KIF13A: variants seen among roughly 807,000 people sequenced by gnomAD.
The protein encoded by KIF13A is kinesin family member 13A, also known as kinesin-like protein KIF13A.
Under a neutral mutation model 212.2 loss-of-function variants are expected in KIF13A, and 79 were observed. That is an observed-to-expected ratio of 0.37 (90% CI 0.31 to 0.45). The LOEUF is 0.45. Ranked by LOEUF, KIF13A falls within the 20% of genes least tolerant of loss-of-function variation. The probability of loss-of-function intolerance (pLI) is 1.00; values close to 1 mark genes in which losing one functional copy is unlikely to be tolerated. For synonymous variants in KIF13A, 789 were observed against 808.6 expected, an observed-to-expected ratio of 0.98 and a Z score of 0.41; for missense variants, 1,901 against 2,209.0, an observed-to-expected ratio of 0.86 and a Z score of 2.79.
At chr6:17,876,071 C>T (rs759501865) in intron 3 of KIF13A, among the ~76,000 whole-genome samples, 6 of 152,122 alleles carry the variant, frequency 3.9e-5, no homozygotes, top group African/African-American at 9.7e-5. Context: ...TTTGGACTAA[C>T]ACTTATTAAC....
intron 4 of KIF13A, among the ~76,000 whole-genome samples, chr6:17,859,101 G>A (rs953496425): frequency 3.3e-5 from 5 of 152,166 alleles, no homozygotes; most frequent in African/African-American, 1.2e-4. Context: ...ATTTTCCTAG[G>A]TTCTTTCAAG....
In KIF13A at chr6:17,850,303, G is replaced by A. The variant is rs1767515300; in HGVS notation, c.717+20C>T. 6.3e-7 allele frequency: 1 copy of A among 1,590,170 alleles called. No individual in the cohort carries two copies. Among genetic ancestry groups the A allele is most frequent in the East Asian group, 2.3e-5 (1 of 44,324 alleles). On this transcript the variant is annotated intron_variant, in intron 8 of 38. Coordinates refer to ENST00000259711, the MANE Select transcript of KIF13A (RefSeq NM_022113.6). The surrounding 1 kb of genome is among the most constrained non-coding windows in gnomAD (Gnocchi z 6.2). ...AGTTCTTCCACCCCCACTCCAAAAA[G>A]GTTCTGCCTAATCCCTTACCCCAGA...
At chr6:17,974,696 C>T (rs1048514546) in intron 2 of KIF13A, among the ~76,000 whole-genome samples, 9 of 152,066 alleles carry the variant, frequency 5.9e-5, no homozygotes, top group African/African-American at 2.4e-5. Context: ...TGCACTACAG[C>T]CCAATTAAGT....
chr6:17,846,065 T>TTCC (rs869118742), intron 9 of KIF13A, among the ~76,000 whole-genome samples: 1 of 134,742 alleles, frequency 7.4e-6, no homozygotes, highest in African/African-American at 3.6e-5. Context: ...TTTTTTTTTT[T>TTCC]CTGAGACAGC....
intron 2 of KIF13A, among the ~76,000 whole-genome samples, chr6:17,937,380 G>A (rs1027764851): frequency 3.3e-5 from 5 of 152,072 alleles, no homozygotes; most frequent in Non-Finnish European, 5.9e-5. Context: ...CATTGATCTC[G>A]GCAGTGATCT....
At chr6:17,976,380 G>A (rs919858689) in intron 2 of KIF13A, among the ~76,000 whole-genome samples, 7 of 152,210 alleles carry the variant, frequency 4.6e-5, no homozygotes, top group Non-Finnish European at 7.4e-5. Context: ...AGCGCCGGTG[G>A]GCCGGCACTG....
chr6:17,943,064 T>C (rs1051072492), intron 2 of KIF13A, among the ~76,000 whole-genome samples: 1 of 152,196 alleles, frequency 6.6e-6, no homozygotes, highest in African/African-American at 2.4e-5. Context: ...CTTATACCTT[T>C]AAACGTTTTT....
At position 17,983,717 on chromosome 6, in the gene KIF13A, G is replaced by T. The variant is rs1246952920; in HGVS notation, c.146+3337C>A. 2.0e-5 allele frequency among the ~76,000 whole-genome samples: 3 copies of T among 151,988 alleles called. No individual in the cohort carries two copies. In the East Asian group the frequency reaches 5.8e-4, roughly 29 times the overall value. On this transcript the variant is annotated intron_variant, in intron 2 of 38. Coordinates refer to ENST00000259711, the MANE Select transcript of KIF13A (RefSeq NM_022113.6). Reference sequence around the variant, plus strand: ...TGGCCAGGGTGGTCTCAAACTCCTGGCCTCAAGAGATCCGCCCACCCTAGC... The same window carrying T: ...TGGCCAGGGTGGTCTCAAACTCCTGTCCTCAAGAGATCCGCCCACCCTAGC...
chr6:17,945,469 T>C (rs1476058609), intron 2 of KIF13A, among the ~76,000 whole-genome samples: 2 of 151,840 alleles, frequency 1.3e-5, no homozygotes, highest in Admixed American at 6.6e-5. Context: ...CAGAAAAAAA[T>C]GCATGCATCA....
At chr6:17,841,600 T>C (rs1766514352) in intron 9 of KIF13A, among the ~76,000 whole-genome samples, 1 of 152,164 alleles carries the variant, frequency 6.6e-6, no homozygotes, top group Non-Finnish European at 1.5e-5. Flanking sequence ...ATAACTCCAA[T>C]TCCCATGTAT....
chr6:17,958,753 T>C (rs1158574385), intron 2 of KIF13A, among the ~76,000 whole-genome samples: 1 of 152,196 alleles, frequency 6.6e-6, no homozygotes, highest in Admixed American at 6.5e-5. Context: ...ATCTAATCCA[T>C]TGTCAAGGTG....
intron 3 of KIF13A, among the ~76,000 whole-genome samples, chr6:17,874,330 A>G (rs1770305568): frequency 6.6e-6 from 1 of 151,554 alleles, no homozygotes; most frequent in Non-Finnish European, 1.5e-5. Flanking sequence ...TTTAATATAC[A>G]ATTCCTCGAA....
At chr6:17,874,457 T>C (rs189163076) in intron 3 of KIF13A, among the ~76,000 whole-genome samples, 3 of 151,910 alleles carry the variant, frequency 2.0e-5, no homozygotes, top group South Asian at 2.1e-4. Context: ...TTTTTTTGAG[T>C]TGGAGTCTCG....
Position 17,919,680 on chromosome 6 carries a change from C to T in KIF13A, c.147-21500G>A, listed in dbSNP as rs1042696661. ...AGTTTTCCAGCACACACAGCAGATACGACAGCTAACAAGCAGGGCTGTGAG... is the reference window on the plus strand; with the variant it reads ...AGTTTTCCAGCACACACAGCAGATATGACAGCTAACAAGCAGGGCTGTGAG... On this transcript the variant is annotated intron_variant, in intron 2 of 38. Coordinates refer to ENST00000259711, the MANE Select transcript of KIF13A (RefSeq NM_022113.6). The surrounding 1 kb of genome is among the most constrained non-coding windows in gnomAD (Gnocchi z 4.1). Among the ~76,000 whole-genome samples, 12 of 152,152 alleles carry T rather than the reference C, an allele frequency of 7.9e-5. No individual in the cohort carries two copies. Among genetic ancestry groups the T allele is most frequent in the Admixed American group, 6.5e-4 (10 of 15,282 alleles).
chr6:17,762,219 T>TC (rs1406407853), downstream of KIF13A, among the ~76,000 whole-genome samples: 1 of 150,898 alleles, frequency 6.6e-6, no homozygotes, highest in Non-Finnish European at 1.5e-5. Context: ...TTGAATTTTT[T>TC]TTTTTTTTTT....
intron 2 of KIF13A, among the ~76,000 whole-genome samples, chr6:17,908,674 TAA>T (rs559322453): frequency 6.9e-6 from 1 of 144,394 alleles, no homozygotes; most frequent in African/African-American, 2.5e-5. Context: ...TATGCCTTCT[TAA>T]AAAAAAAAAA....
chr6:17,779,925 T>A (rs1760397865), intron 31 of KIF13A, among the ~76,000 whole-genome samples: 2 of 151,700 alleles, frequency 1.3e-5, no homozygotes, highest in African/African-American at 4.8e-5. Context: ...TTTTTGTATT[T>A]TTAGTAGAGA....
intron 2 of KIF13A, among the ~76,000 whole-genome samples, chr6:17,948,633 GCTCACTGGGACCTCTGC>G (rs1777609550): frequency 7.0e-6 from 1 of 142,208 alleles, no homozygotes; most frequent in South Asian, 2.2e-4. Context: ...CGTGATCTCG[GCTCACTGGGACCTCTGC>G]CTCCAGGTTC....
chr6:17,847,117 T>C (rs1329366392), intron 9 of KIF13A, among the ~76,000 whole-genome samples: 1 of 150,986 alleles, frequency 6.6e-6, no homozygotes, highest in Non-Finnish European at 1.5e-5. Flanking sequence ...TCTACGCCAG[T>C]CATACACACA....
Sources: allele counts gnomAD v4.1 joint callset (sites outside exome capture counted in the v4.1 genomes callset), GRCh38; gene constraint gnomAD v4.1.1; non-coding constraint Gnocchi (gnomAD v3.1); transcripts MANE v1.5; gene names NCBI Gene and HGNC (gene_info 2026-07-23, HGNC 2026-07-21).